The following BANK1 variants were observed in gnomAD, a reference collection of about 807,000 sequenced individuals.
BANK1 encodes the protein B-cell scaffold protein with ankyrin repeats.
In BANK1, 95 loss-of-function variants were observed where a neutral mutation model predicts 94.5. The ratio of observed to expected loss-of-function variants is 1.00; its 90% CI spans 0.85 to 1.19. BANK1 has a LOEUF of 1.19. Among genes scored for constraint, BANK1 ranks in the 50% most tolerant of loss-of-function variants. The pLI is 0.00. For missense variants in BANK1, 987 were observed against 932.2 expected (o/e 1.06, Z -0.77); for synonymous variants, 334 against 308.4 (o/e 1.08, Z -0.87).
At chr4:101,980,756 C>T (rs1199938189) in intron 7 of BANK1, among the ~76,000 whole-genome samples, 1 of 151,968 alleles carries the variant, frequency 6.6e-6, no homozygotes, top group African/African-American at 2.4e-5. Context: ...TTCATGTTTG[C>T]AAAGATGGTT....
rs1018807608 is a variant in BANK1 at position 101,851,866 on chromosome 4, A to G, written c.470-3169A>G. The stretch of plus-strand genomic sequence containing the variant: ...AAAGCAAAACTTCCTTTTGCTCAGT[A>G]GAAGTAGCAGCTGGGAAAGTCCCAG... On this transcript the variant is annotated intron_variant, in intron 2 of 16. Transcript: ENST00000322953. 3.9e-5 allele frequency among the ~76,000 whole-genome samples: 6 copies of G among 152,162 alleles called. 1 individual carries two copies. Among genetic ancestry groups the G allele is most frequent in the African/African-American group, 1.2e-4 (5 of 41,448 alleles).
intron 1 of BANK1, among the ~76,000 whole-genome samples, chr4:101,795,217 G>A (rs771571861): frequency 6.6e-5 from 10 of 151,960 alleles, no homozygotes; most frequent in Admixed American, 2.0e-4. Context: ...AATAGCTTCC[G>A]TTTATTGTGT....
At chr4:101,922,154 G>A (rs1408362761) in intron 7 of BANK1, among the ~76,000 whole-genome samples, 1 of 151,624 alleles carries the variant, frequency 6.6e-6, no homozygotes, top group Non-Finnish European at 1.5e-5. Flanking sequence ...GTATGGAGGG[G>A]TAGGTGTTGA....
chr4:102,012,599 A>G (rs1194490064), intron 7 of BANK1, among the ~76,000 whole-genome samples: 1 of 152,182 alleles, frequency 6.6e-6, no homozygotes, highest in Non-Finnish European at 1.5e-5. Context: ...ACAACAAAAG[A>G]GTATAATCTG....
At chr4:101,834,957 T>G (rs984911219) in intron 2 of BANK1, among the ~76,000 whole-genome samples, 12 of 152,152 alleles carry the variant, frequency 7.9e-5, no homozygotes, top group Admixed American at 2.6e-4. Context: ...TAATTTATAT[T>G]TTCTCCTAGT....
intron 1 of BANK1, among the ~76,000 whole-genome samples, chr4:101,811,358 A>G (rs1474291878): frequency 6.6e-6 from 1 of 152,098 alleles, no homozygotes; most frequent in Non-Finnish European, 1.5e-5. Flanking sequence ...ATTTTCTCCT[A>G]GTGGTAAAAT....
Position 101,844,920 on chromosome 4 carries a change from C to T in BANK1, c.470-10115C>T, listed in dbSNP as rs1383956162. ...TGGGAAGGGTCCTTTTTTAATTTAACATACCCTACTGAATAAATGGGGTGA... is the reference window on the plus strand; with the variant it reads ...TGGGAAGGGTCCTTTTTTAATTTAATATACCCTACTGAATAAATGGGGTGA... On this transcript the variant is annotated intron_variant, in intron 2 of 16. Transcript: ENST00000322953. Among the ~76,000 whole-genome samples, 3 of 152,108 alleles carry T rather than the reference C, an allele frequency of 2.0e-5. No homozygotes were observed. In the East Asian group the frequency reaches 5.8e-4, roughly 29 times the overall value.
chr4:101,862,297 G>T (rs1008448469), intron 3 of BANK1, among the ~76,000 whole-genome samples: 3 of 151,924 alleles, frequency 2.0e-5, no homozygotes, highest in Non-Finnish European at 4.4e-5. Flanking sequence ...GCAAAATATG[G>T]CATTAGAGGG....
chr4:102,051,888 A>G (rs1728059666), intron 11 of BANK1, among the ~76,000 whole-genome samples: 2 of 152,136 alleles, frequency 1.3e-5, no homozygotes, highest in Non-Finnish European at 2.9e-5. Flanking sequence ...TTAGAAATTT[A>G]TGCATGGACT....
intron 7 of BANK1, among the ~76,000 whole-genome samples, chr4:101,984,354 T>C (rs1725416993): frequency 6.6e-6 from 1 of 152,026 alleles, no homozygotes; most frequent in African/African-American, 2.4e-5. Flanking sequence ...AAAATGACAC[T>C]AAGTAGTTAT....
At chr4:101,869,423 G>A (rs1469368676) in intron 4 of BANK1, among the ~76,000 whole-genome samples, 1 of 151,812 alleles carries the variant, frequency 6.6e-6, no homozygotes, top group Non-Finnish European at 1.5e-5. Context: ...TTTGGGAAGA[G>A]AGAGCTCCTA....
chr4:102,041,908 A>T (rs1296151446), intron 10 of BANK1, among the ~76,000 whole-genome samples: 4 of 152,210 alleles, frequency 2.6e-5, no homozygotes, highest in Non-Finnish European at 4.4e-5. Flanking sequence ...GTGTAAAGTG[A>T]TTTGTAACAA....
chr4:102,060,128 C>A lies in BANK1; in HGVS notation c.1970-83C>A, dbSNP rs550987469. ...ATAGAGAGTTAAGAAGAAGCTACTC[C>A]AATGGCTTATTTGTAGAGTGCTTTT... On this transcript the variant is annotated intron_variant, in intron 11 of 16. Coordinates refer to ENST00000322953, the MANE Select transcript of BANK1 (RefSeq NM_017935.5). The A allele has an allele frequency of 3.9e-4, 494 of 1,254,366 alleles. 1 individual carries two copies. Among genetic ancestry groups the A allele is most frequent in the Non-Finnish European group, 4.3e-4 (403 of 927,000 alleles). The allele number at this position is 1,254,366 out of a possible 1,614,324, so 77.7% of individuals were successfully genotyped here. A position where few individuals can be genotyped will look rare whatever the true frequency, so the allele number is the denominator to read the frequency against.
At chr4:102,044,531 C>A (rs1727813805) in intron 11 of BANK1, among the ~76,000 whole-genome samples, 3 of 138,968 alleles carry the variant, frequency 2.2e-5, no homozygotes, top group African/African-American at 8.2e-5. Flanking sequence ...ATTTATAGTC[C>A]TTTGGGTATA....
At chr4:101,931,953 G>C (rs1478067021) in intron 7 of BANK1, among the ~76,000 whole-genome samples, 1 of 151,416 alleles carries the variant, frequency 6.6e-6, no homozygotes, top group Non-Finnish European at 1.5e-5. Flanking sequence ...AACTAAAGTT[G>C]TTTTAGGAAA....
chr4:101,889,895 A>C (rs1219256335), intron 5 of BANK1, among the ~76,000 whole-genome samples: 1 of 152,122 alleles, frequency 6.6e-6, no homozygotes, highest in Non-Finnish European at 1.5e-5. Context: ...TATTTTTAAA[A>C]TTCTGTTCAG....
chr4:101,913,631 A>G (rs1156437163), intron 6 of BANK1, among the ~76,000 whole-genome samples: 1 of 152,072 alleles, frequency 6.6e-6, no homozygotes, highest in African/African-American at 2.4e-5. Flanking sequence ...TGTGTCCTCA[A>G]AGACTCTTTT....
chr4:101,896,549 A>C (rs1437527378), intron 6 of BANK1, among the ~76,000 whole-genome samples: 1 of 152,004 alleles, frequency 6.6e-6, no homozygotes, highest in Non-Finnish European at 1.5e-5. Flanking sequence ...ACTGTGAATA[A>C]GTAGTCTTGT....
intron 5 of BANK1, among the ~76,000 whole-genome samples, chr4:101,889,848 T>G (rs1479192262): frequency 1.3e-5 from 2 of 152,068 alleles, no homozygotes; most frequent in Admixed American, 1.3e-4. Flanking sequence ...TTCCAAAAAT[T>G]TTGATATGTT....
Sources: gnomAD v4.1 joint callset for allele counts (sites outside exome capture counted in the v4.1 genomes callset) on GRCh38, gnomAD v4.1.1 for gene constraint, MANE v1.5 for transcripts, NCBI Gene and HGNC (gene_info 2026-07-23, HGNC 2026-07-21) for gene names.